LRP1B: variants seen among roughly 807,000 people sequenced by gnomAD.
LRP1B encodes low-density lipoprotein receptor-related protein 1B.
Under a neutral mutation model 556.6 loss-of-function variants are expected in LRP1B, and 217 were observed. The ratio of observed to expected loss-of-function variants is 0.39; its 90% CI spans 0.35 to 0.44. LRP1B has a LOEUF of 0.44. Ranked by LOEUF, LRP1B falls within the 20% of genes least tolerant of loss-of-function variation. The pLI, the probability that LRP1B is intolerant of heterozygous loss-of-function variation, is 1.00. For synonymous variants in LRP1B, 2,047 were observed against 1,865.8 expected (o/e 1.10, Z -2.50); for missense variants, 5,053 against 5,620.8 (o/e 0.90, Z 3.23).
At chr2:141,883,002 T>C (rs1038484866) in intron 1 of LRP1B, among the ~76,000 whole-genome samples, 1 of 152,172 alleles carries the variant, frequency 6.6e-6, no homozygotes, top group African/African-American at 2.4e-5. Flanking sequence ...TACGCAGCTA[T>C]TCATCTTCCT....
chr2:141,890,323 C>CATACATATAT (rs1170715951), intron 1 of LRP1B, among the ~76,000 whole-genome samples: 12 of 83,816 alleles, frequency 1.4e-4, no homozygotes, highest in African/African-American at 4.8e-4. Flanking sequence ...GGGCACAATA[C>CATACATATAT]ATATATATAT....
At chr2:142,111,374 A>T (rs1262201036) in intron 1 of LRP1B, among the ~76,000 whole-genome samples, 2 of 152,018 alleles carry the variant, frequency 1.3e-5, no homozygotes, top group Non-Finnish European at 2.9e-5. Flanking sequence ...TAATCTCATT[A>T]CCTCAACCCT....
intron 2 of LRP1B, among the ~76,000 whole-genome samples, chr2:141,677,304 G>T (rs1371350500): frequency 6.6e-6 from 1 of 152,092 alleles, no homozygotes; most frequent in South Asian, 2.1e-4. Flanking sequence ...AAGGGAAACA[G>T]AGGCAGGAAA....
intron 7 of LRP1B, among the ~76,000 whole-genome samples, chr2:141,102,646 A>T (rs1287623731): frequency 6.6e-6 from 1 of 152,080 alleles, no homozygotes; most frequent in African/African-American, 2.4e-5. Context: ...ACACCAACTC[A>T]GGTCTCAATA....
At chr2:141,689,358 G>T (rs1192658073) in intron 2 of LRP1B, among the ~76,000 whole-genome samples, 1 of 151,714 alleles carries the variant, frequency 6.6e-6, no homozygotes, top group East Asian at 1.9e-4. Context: ...ACACTATCCT[G>T]TGTCCACTAA....
intron 29 of LRP1B, among the ~76,000 whole-genome samples, chr2:140,845,939 T>A (rs867005298): frequency 6.6e-6 from 1 of 152,074 alleles, no homozygotes; most frequent in Middle Eastern, 3.4e-3. Flanking sequence ...AATTATAGAG[T>A]ACAAAGACTG....
At chr2:141,619,418 T>C (rs1023512395) in intron 2 of LRP1B, among the ~76,000 whole-genome samples, 6 of 152,192 alleles carry the variant, frequency 3.9e-5, no homozygotes, top group Admixed American at 6.5e-5. Context: ...AAATGAACAA[T>C]GCATATGAGC....
At chr2:140,686,201 G>A (rs1215951874) in intron 41 of LRP1B, among the ~76,000 whole-genome samples, 1 of 152,124 alleles carries the variant, frequency 6.6e-6, no homozygotes, top group East Asian at 1.9e-4. Flanking sequence ...GATTTGTGGT[G>A]AGATGGATTA....
intron 1 of LRP1B, among the ~76,000 whole-genome samples, chr2:142,070,533 A>C (rs1212076565): frequency 6.6e-6 from 1 of 151,890 alleles, no homozygotes; most frequent in Non-Finnish European, 1.5e-5. Context: ...TCCAACCAGC[A>C]CCTGGACTCA....
At chr2:141,201,912 G>T (rs891867847) in intron 6 of LRP1B, among the ~76,000 whole-genome samples, 1 of 152,146 alleles carries the variant, frequency 6.6e-6, no homozygotes, top group African/African-American at 2.4e-5. Flanking sequence ...AAATATTTGT[G>T]AGATGCTTCT....
At chr2:141,114,197 G>C (rs773602739) in intron 7 of LRP1B, among the ~76,000 whole-genome samples, 1 of 152,194 alleles carries the variant, frequency 6.6e-6, no homozygotes, top group Non-Finnish European at 1.5e-5. Flanking sequence ...CCTCTTTTGG[G>C]CTCTGGCCCC....
chr2:141,300,162 C>G (rs72981203), intron 3 of LRP1B, among the ~76,000 whole-genome samples: 3,189 of 152,230 alleles, frequency 0.021, 113 homozygotes, highest in African/African-American at 0.073. Flanking sequence ...TCTTCGACTT[C>G]CAGGCTTCAG....
At chr2:141,770,525 T>C (rs1159317810) in intron 2 of LRP1B, among the ~76,000 whole-genome samples, 1 of 152,246 alleles carries the variant, frequency 6.6e-6, no homozygotes, top group Non-Finnish European at 1.5e-5. Flanking sequence ...GCGTCATAAC[T>C]GACTGCCACA....
At chr2:140,849,655 T>C (rs1293819987) in intron 29 of LRP1B, among the ~76,000 whole-genome samples, 1 of 152,110 alleles carries the variant, frequency 6.6e-6, no homozygotes, top group African/African-American at 2.4e-5. Flanking sequence ...TTTTCCTGCC[T>C]CAGTCTCCCA....
At chr2:141,862,569 T>C (rs12612014) in intron 1 of LRP1B, among the ~76,000 whole-genome samples, 28,697 of 152,026 alleles carry the variant, frequency 0.19, 3,250 homozygotes, top group East Asian at 0.32. Context: ...CCACTATGCC[T>C]GGCTAATTTT....
At position 141,768,131 on chromosome 2, in the gene LRP1B, G is replaced by A. The variant is rs187098697; in HGVS notation, c.205+42148C>T. On this transcript the variant is annotated intron_variant, in intron 2 of 90. Coordinates refer to ENST00000389484, the MANE Select transcript of LRP1B (RefSeq NM_018557.3). Reference sequence around the variant, plus strand: ...ATGTAAGGAGCCTCAAAATAAGATCGTGTGCATTGTGTCAATGACAAGTTT... The same window carrying A: ...ATGTAAGGAGCCTCAAAATAAGATCATGTGCATTGTGTCAATGACAAGTTT... 4.6e-5 allele frequency among the ~76,000 whole-genome samples: 7 copies of A among 152,170 alleles called. No individual in the cohort carries two copies. The East Asian group carries it at 1.2e-3, about 25-fold the overall frequency.
In LRP1B at chr2:140,426,066, G is replaced by A. The variant is rs534235195; in HGVS notation, c.10414+16438C>T. ...TTAAAGAAAACAGATAATACAAACT[G>A]AGCCCAATGCTGTGGGATACACTGA... is the stretch of plus-strand genomic sequence containing the variant. On this transcript the variant is annotated intron_variant, in intron 66 of 90. Coordinates refer to ENST00000389484, the MANE Select transcript of LRP1B (RefSeq NM_018557.3). Among the ~76,000 whole-genome samples the A allele has an allele frequency of 2.0e-5, 3 of 152,260 alleles. No individual in the cohort carries two copies. The South Asian group carries it at 6.2e-4, about 32-fold the overall frequency.
chr2:140,702,506 G>C lies in LRP1B; in HGVS notation c.6071C>G (p.Ala2024Gly), dbSNP rs746317281. 11 of 1,613,318 alleles carry C rather than the reference G, an allele frequency of 6.8e-6. No homozygotes were observed. The highest frequency in any genetic ancestry group is 9.3e-6 in the Non-Finnish European group (11 of 1,179,640). The part of the protein sequence containing the change: ...EWGQMPCIGK[A>G]RLDGSEKVVL... ...AACCTTCTCTGAGCCATCCAAGCGA[G>C]CCTTTCCAATACAGGGCATTTGTCC... The change falls in exon 38 of 91, where the codon GCT becomes GGT. Residue 2024 changes from alanine to glycine, a missense_variant. Coordinates refer to ENST00000389484, the MANE Select transcript of LRP1B (RefSeq NM_018557.3).
chr2:141,111,896 A>C (rs1410232554), intron 7 of LRP1B, among the ~76,000 whole-genome samples: 1 of 151,838 alleles, frequency 6.6e-6, no homozygotes, highest in Non-Finnish European at 1.5e-5. Flanking sequence ...ATATAAAAAA[A>C]TTAGCCCAGT....
Sources: allele counts gnomAD v4.1 joint callset (sites outside exome capture counted in the v4.1 genomes callset), GRCh38; gene constraint gnomAD v4.1.1; transcripts MANE v1.5; gene names NCBI Gene and HGNC (gene_info 2026-07-23, HGNC 2026-07-21).